FYCO1: variants seen among roughly 807,000 people sequenced by gnomAD.
FYCO1 encodes FYVE and coiled-coil domain autophagy adaptor 1, also known as FYVE and coiled-coil domain-containing protein 1.
Under a neutral mutation model 165.1 loss-of-function variants are expected in FYCO1, and 122 were observed. That is an observed-to-expected ratio of 0.74 (90% confidence interval 0.64 to 0.86). The LOEUF (loss-of-function observed/expected upper bound fraction) is 0.86, where lower values mean the gene tolerates loss of function less well. FYCO1 is among the 40% of genes least tolerant of loss of function. The pLI is 0.00. For missense variants in FYCO1, 1,702 were observed against 1,810.3 expected (o/e 0.94, Z 1.09); for synonymous variants, 648 against 742.5 (o/e 0.87, Z 2.07).
intron 13 of FYCO1, among the ~76,000 whole-genome samples, chr3:45,957,782 C>A (rs1181815834): frequency 6.6e-6 from 1 of 152,262 alleles, no homozygotes; most frequent in African/African-American, 2.4e-5. Context: ...CAGGGACCAG[C>A]TGCAGATGGC....
At chr3:45,987,146 G>A (rs140243464) in intron 1 of FYCO1, among the ~76,000 whole-genome samples, 32 of 152,322 alleles carry the variant, frequency 2.1e-4, no homozygotes, top group Non-Finnish European at 4.4e-4. Flanking sequence ...CACCACAACT[G>A]TGCAATCCCA....
Position 45,985,039 on chromosome 3 carries a change from G to T in FYCO1, c.-112-17C>A. 1 of 840,294 alleles carries T rather than the reference G, an allele frequency of 1.2e-6. No individual in the cohort carries two copies. The highest frequency in any genetic ancestry group is 1.8e-5 in the Admixed American group (1 of 54,956). The allele number at this position is 840,294 out of a possible 1,614,324, so 52.1% of individuals were successfully genotyped here. A position where few individuals can be genotyped will look rare whatever the true frequency, so the allele number is the denominator to read the frequency against. On this transcript the variant is annotated splice_polypyrimidine_tract_variant and intron_variant, in intron 1 of 17. Transcript: ENST00000296137. ...TGGTGGCACCTGCACAGAGGAAGGG[G>T]AGGCCATGGAGGAAGCAGATACAGA...
rs1286805727 is a variant in FYCO1, at chr3:45,919,512, G to A, written c.*2253C>T. 1.3e-5 allele frequency: 2 copies of A among 152,228 alleles called. No individual in the cohort carries two copies. Among genetic ancestry groups the A allele is most frequent in the Non-Finnish European group, 2.9e-5 (2 of 68,064 alleles). The allele number at this position is 152,228 out of a possible 1,614,324, so 9.4% of individuals were successfully genotyped here. On this transcript the variant is annotated 3_prime_UTR_variant, in exon 18 of 18. Transcript: ENST00000296137. ...GCACGCAAAACATCCAGCTCTCCTG[G>A]AGGAGTGGTTCTGGGTAAGCTGCAA...
chr3:45,975,832 G>C (rs533523739), intron 4 of FYCO1, among the ~76,000 whole-genome samples: 3 of 152,170 alleles, frequency 2.0e-5, no homozygotes, highest in African/African-American at 7.2e-5. Context: ...TTTAAGGTGC[G>C]TGGGGAACAG....
intron 14 of FYCO1, among the ~76,000 whole-genome samples, chr3:45,949,734 C>G (rs2125827270): frequency 6.6e-6 from 1 of 152,240 alleles, no homozygotes; most frequent in East Asian, 1.9e-4. Context: ...GGGGCTTTCC[C>G]TGACCAGGTG....
Position 45,958,495 on chromosome 3 carries a change from C to A in FYCO1, c.3712G>T (p.Asp1238Tyr). 1 of 1,614,148 alleles carries A rather than the reference C, an allele frequency of 6.2e-7. No individual in the cohort carries two copies. The highest frequency in any genetic ancestry group is 1.1e-5 in the South Asian group (1 of 91,082). ...TGGCTAGTGCCTGAGCCACTGCTAT[C>A]AGGGGAGCCAGGGCCTTCACTGAGC... Reference protein sequence around the residue: ...QKLSEGPGSPDSSGSGTSQGE... With the variant: ...QKLSEGPGSPYSSGSGTSQGE... The change falls in exon 13 of 18, where the codon GAT (aspartate) becomes TAT (tyrosine). Residue 1238 changes from aspartate to tyrosine, a missense_variant. Coordinates refer to ENST00000296137, the MANE Select transcript of FYCO1 (RefSeq NM_024513.4).
rs142081868 is a variant in FYCO1 at position 45,973,175 on chromosome 3, A to G, written c.452T>C (p.Val151Ala). The G allele has an allele frequency of 6.4e-4, 1,030 of 1,614,108 alleles. 3 individuals carry two copies. Among genetic ancestry groups the G allele is most frequent in the Non-Finnish European group, 8.1e-4 (959 of 1,180,034 alleles). Residue 151 changes from valine (V) to alanine (A), a missense_variant, in exon 6 of 18, where the codon GTG becomes GCG. Val to Ala is a moderately conservative substitution (Grantham distance 64, BLOSUM62 0). Transcript: ENST00000296137. ...FLQPKLSSDIVGQLYELTEVQ... is the reference protein window; with the variant it reads ...FLQPKLSSDIAGQLYELTEVQ... ...CTCAGTCAGCTCATAGAGTTGGCCCACAATGTCCGAGCTCAGCTTTGGCTG... is the reference window on the plus strand; with the variant it reads ...CTCAGTCAGCTCATAGAGTTGGCCCGCAATGTCCGAGCTCAGCTTTGGCTG...
At chr3:45,952,648 T>C (rs2125830901) in intron 14 of FYCO1, among the ~76,000 whole-genome samples, 1 of 152,280 alleles carries the variant, frequency 6.6e-6, no homozygotes, top group Middle Eastern at 3.4e-3. Flanking sequence ...AAACCACACA[T>C]ATTTGTCAGC....
At chr3:45,978,778 G>A (rs971613041) in intron 4 of FYCO1, among the ~76,000 whole-genome samples, 2 of 152,228 alleles carry the variant, frequency 1.3e-5, no homozygotes, top group African/African-American at 4.8e-5. Context: ...AAGATTCTCT[G>A]GGGGTTGAGG....
intron 1 of FYCO1, among the ~76,000 whole-genome samples, chr3:45,992,762 G>A (rs1185792512): frequency 6.6e-6 from 1 of 152,158 alleles, no homozygotes; most frequent in Non-Finnish European, 1.5e-5. Context: ...CCCTGCTCCT[G>A]ACCAAGTCTA....
At chr3:45,986,480 G>A (rs985531999) in intron 1 of FYCO1, among the ~76,000 whole-genome samples, 3 of 152,176 alleles carry the variant, frequency 2.0e-5, no homozygotes, top group Non-Finnish European at 2.9e-5. Flanking sequence ...CGAGGAGAGG[G>A]CCTATCACAG....
chr3:45,952,379 T>G (rs1054185905), intron 14 of FYCO1, among the ~76,000 whole-genome samples: 8 of 152,240 alleles, frequency 5.3e-5, no homozygotes, highest in African/African-American at 1.9e-4. Flanking sequence ...TCGGTGTTTT[T>G]GGTTTAGGTC....
At chr3:45,938,122 C>T (rs1703997811) in intron 14 of FYCO1, 1 of 869,012 alleles carries the variant, frequency 1.2e-6, no homozygotes, top group Non-Finnish European at 1.6e-6. Flanking sequence ...AAAAGATGTC[C>T]TAATCTATAA....
intron 15 of FYCO1, among the ~76,000 whole-genome samples, chr3:45,935,570 GATA>G (rs1273382096): frequency 2.0e-5 from 3 of 152,204 alleles, no homozygotes; most frequent in South Asian, 2.1e-4. Context: ...TATACCCGCA[GATA>G]GATGCCTGGC....
At chr3:45,981,503 A>T (rs1220623389) in intron 3 of FYCO1, 67 bp downstream of exon 3, 2 of 1,009,152 alleles carry the variant, frequency 2.0e-6, no homozygotes, top group African/African-American at 1.6e-5. Flanking sequence ...TTGAATGCTG[A>T]TGAGTCACCC....
At chr3:45,947,234 G>T in intron 14 of FYCO1, 4 of 1,614,166 alleles carry the variant, frequency 2.5e-6, no homozygotes, top group Non-Finnish European at 3.4e-6. Context: ...ACCTCATGAA[G>T]TTCATCCGCA....
intron 13 of FYCO1, among the ~76,000 whole-genome samples, chr3:45,956,139 C>A (rs1020654981): frequency 6.6e-5 from 10 of 152,074 alleles, no homozygotes; most frequent in African/African-American, 2.2e-4. Context: ...AGTTCAGTAC[C>A]AGCCTGGCCA....
In FYCO1 at chr3:45,921,216, G is replaced by A. The variant is rs1326720354; in HGVS notation, c.*549C>T. The A allele has an allele frequency of 3.6e-5, 7 of 197,164 alleles. No homozygotes were observed. The highest frequency in any genetic ancestry group is 2.0e-4 in the South Asian group (2 of 9,964). 12.2% of individuals were successfully genotyped at this position (197,164 alleles called of 1,614,324 possible). On this transcript the variant is annotated 3_prime_UTR_variant, in exon 18 of 18. Transcript: ENST00000296137. ...GTGAGGGACAAGAGCATGACTGGAG[G>A]AGCTGGTCAGGATCTCCGGGGGGTC...
chr3:45,990,742 G>A (rs1439883628), intron 1 of FYCO1, among the ~76,000 whole-genome samples: 3 of 152,270 alleles, frequency 2.0e-5, no homozygotes, highest in Admixed American at 6.5e-5. Context: ...GTACAAAGAT[G>A]TAAATACTAC....
Sources: gnomAD v4.1 joint callset for allele counts (sites outside exome capture counted in the v4.1 genomes callset) on GRCh38, gnomAD v4.1.1 for gene constraint, MANE v1.5 for transcripts, NCBI Gene and HGNC (gene_info 2026-07-23, HGNC 2026-07-21) for gene names.